The following NPSR1 variants were observed in gnomAD, a reference collection of about 807,000 sequenced individuals.
NPSR1 encodes the protein neuropeptide S receptor.
Under a neutral mutation model 46.9 loss-of-function variants are expected in NPSR1, and 48 were observed. The ratio of observed to expected loss-of-function variants is 1.02; its 90% CI spans 0.81 to 1.30. The LOEUF is 1.30. Ranked by LOEUF, NPSR1 falls within the 50% of genes most tolerant of loss-of-function variation. The probability of loss-of-function intolerance (pLI) is 0.00; values close to 1 mark genes in which losing one functional copy is unlikely to be tolerated. For synonymous variants in NPSR1, 176 were observed against 168.1 expected, an observed-to-expected ratio of 1.05 and a Z score of -0.36; for missense variants, 450 against 449.5, an observed-to-expected ratio of 1.00 and a Z score of -0.01.
rs1326717991 is a variant in NPSR1, at chr7:34,788,180, G to A, written c.384+9615G>A. The stretch of plus-strand genomic sequence containing the variant: ...TGTAGAGTTTTTGTGTGTAATCAGA[G>A]TTAAGTTATCATTTTAAAATCGCTC... On this transcript the variant is annotated intron_variant, in intron 3 of 8. Transcript: ENST00000360581. Among the ~76,000 whole-genome samples the A allele has an allele frequency of 4.3e-5, 5 of 116,988 alleles. No homozygotes were observed. In the East Asian group the frequency reaches 9.5e-4, roughly 22 times the overall value. The allele number at this position is 116,988 out of a possible 152,430, so 76.7% of individuals were successfully genotyped here. A position where few individuals can be genotyped will look rare whatever the true frequency, so the allele number is the denominator to read the frequency against.
downstream of NPSR1, among the ~76,000 whole-genome samples, chr7:34,851,034 G>A (rs189501902): frequency 4.0e-4 from 61 of 152,248 alleles, no homozygotes; most frequent in Middle Eastern, 3.4e-3. Context: ...TTTTCCACAA[G>A]TGGAAGTGAA....
chr7:34,687,156 GC>G (rs1370717302), intron 2 of NPSR1, among the ~76,000 whole-genome samples: 1 of 144,250 alleles, frequency 6.9e-6, no homozygotes, highest in Non-Finnish European at 1.5e-5. Context: ...CAAGTATCAG[GC>G]TTTTTTTTTT....
intron 1 of NPSR1, among the ~76,000 whole-genome samples, chr7:34,673,392 G>C (rs1300450150): frequency 1.3e-5 from 2 of 152,122 alleles, no homozygotes; most frequent in African/African-American, 4.8e-5. Context: ...ATTTTCAGGA[G>C]AGTTTCCCAC....
At chr7:34,701,409 A>G (rs987972750) in intron 2 of NPSR1, among the ~76,000 whole-genome samples, 1 of 152,192 alleles carries the variant, frequency 6.6e-6, no homozygotes, top group Non-Finnish European at 1.5e-5. Flanking sequence ...CTAAAAACCC[A>G]TTCATCTTTC....
intron 3 of NPSR1, among the ~76,000 whole-genome samples, chr7:34,791,009 TTATATTA>T (rs1351571356): frequency 2.1e-4 from 25 of 120,866 alleles, no homozygotes; most frequent in Admixed American, 2.9e-4. Context: ...ATGTTATATG[TTATATTA>T]TATATGTTAT....
chr7:34,809,606 G>A (rs1788885144), intron 3 of NPSR1, among the ~76,000 whole-genome samples: 1 of 151,404 alleles, frequency 6.6e-6, no homozygotes, highest in Non-Finnish European at 1.5e-5. Flanking sequence ...TGGGACTACA[G>A]GCGCCCGCCA....
At chr7:34,721,653 G>C (rs1783864662) in intron 2 of NPSR1, among the ~76,000 whole-genome samples, 1 of 152,206 alleles carries the variant, frequency 6.6e-6, no homozygotes. Context: ...AGTGACTTTA[G>C]ATTTCTTTGT....
intron 3 of NPSR1, among the ~76,000 whole-genome samples, chr7:34,781,105 G>A (rs1188641331): frequency 1.3e-5 from 2 of 152,130 alleles, no homozygotes; most frequent in African/African-American, 4.8e-5. Context: ...AGAAGGCACT[G>A]AGCTGTAACC....
intron 2 of NPSR1, among the ~76,000 whole-genome samples, chr7:34,728,545 C>G (rs1583893607): frequency 6.6e-6 from 1 of 152,184 alleles, no homozygotes; most frequent in Non-Finnish European, 1.5e-5. Flanking sequence ...TTGATCTGGC[C>G]AAATGGAACT....
At position 34,712,417 on chromosome 7, in the gene NPSR1, AT is replaced by A. The variant is rs553316564; in HGVS notation, c.280+27735del. Among the ~76,000 whole-genome samples, 110 of 152,324 alleles carry A rather than the reference AT, an allele frequency of 7.2e-4. 1 individual carries two copies. Among genetic ancestry groups the A allele is most frequent in the Non-Finnish European group, 9.8e-4 (67 of 68,024 alleles). On this transcript the variant is annotated intron_variant, in intron 2 of 8. Transcript: ENST00000360581. ...TTTATTCAAAATTCAAATTAATTTA[AT>A]TATGGAAGCTGGGTAATGAGCCTAA... is the stretch of plus-strand genomic sequence containing the variant.
chr7:34,846,202 G>C (rs1790736551), intron 7 of NPSR1, among the ~76,000 whole-genome samples: 1 of 152,138 alleles, frequency 6.6e-6, no homozygotes, highest in African/African-American at 2.4e-5. Flanking sequence ...TGGATGTTGA[G>C]TTGGAAAATG....
At chr7:34,769,897 C>A (rs1786597777) in intron 2 of NPSR1, among the ~76,000 whole-genome samples, 1 of 152,154 alleles carries the variant, frequency 6.6e-6, no homozygotes, top group Non-Finnish European at 1.5e-5. Flanking sequence ...TTAAAGTGTA[C>A]CCTTTGTTCC....
chr7:34,660,422 G>C (rs1791397523), intron 1 of NPSR1, among the ~76,000 whole-genome samples: 1 of 152,094 alleles, frequency 6.6e-6, no homozygotes, highest in Non-Finnish European at 1.5e-5. Flanking sequence ...CTAATGCATT[G>C]TTGATACAGA....
chr7:34,859,491 C>G (rs1482726419), intron 8 of NPSR1, among the ~76,000 whole-genome samples: 2 of 151,536 alleles, frequency 1.3e-5, no homozygotes, highest in Admixed American at 6.6e-5. Flanking sequence ...CACAGCATTC[C>G]TCAGGAGAGG....
intron 2 of NPSR1, among the ~76,000 whole-genome samples, chr7:34,713,738 G>A (rs1055713732): frequency 6.6e-6 from 1 of 152,158 alleles, no homozygotes; most frequent in Admixed American, 6.5e-5. Context: ...CATAGTCCGT[G>A]ACTGGGAGAT....
At chr7:34,853,229 C>G (rs947166294), downstream of NPSR1, among the ~76,000 whole-genome samples, 1 of 152,106 alleles carries the variant, frequency 6.6e-6, no homozygotes, top group African/African-American at 2.4e-5. Flanking sequence ...AAGCCTGAGT[C>G]TGAGAGAAAA....
At chr7:34,767,360 C>A (rs1180438085) in intron 2 of NPSR1, among the ~76,000 whole-genome samples, 1 of 151,962 alleles carries the variant, frequency 6.6e-6, no homozygotes, top group Non-Finnish European at 1.5e-5. Flanking sequence ...GTTAAAGTTT[C>A]CAGGGGAAAA....
At chr7:34,700,913 T>G (rs777591598) in intron 2 of NPSR1, among the ~76,000 whole-genome samples, 3 of 152,260 alleles carry the variant, frequency 2.0e-5, no homozygotes, top group African/African-American at 7.2e-5. Context: ...GCTACTGCTA[T>G]AGTTATTTCA....
chr7:34,820,628 C>T (rs1789507148), intron 4 of NPSR1, among the ~76,000 whole-genome samples: 1 of 152,066 alleles, frequency 6.6e-6, no homozygotes, highest in Non-Finnish European at 1.5e-5. Flanking sequence ...GGTCAGGGTG[C>T]AGCTTGGTTT....
Sources: allele counts gnomAD v4.1 joint callset (sites outside exome capture counted in the v4.1 genomes callset), GRCh38; gene constraint gnomAD v4.1.1; transcripts MANE v1.5; gene names NCBI Gene and HGNC (gene_info 2026-07-23, HGNC 2026-07-21).